LIMS1: variants seen among roughly 807,000 people sequenced by gnomAD.
LIMS1 encodes the protein LIM zinc finger domain containing 1.
In LIMS1, 18 loss-of-function variants were observed where a neutral mutation model predicts 44.1. The ratio of observed to expected loss-of-function variants is 0.41; its 90% CI spans 0.28 to 0.61. LIMS1 has a LOEUF of 0.61. Ranked by LOEUF, LIMS1 falls within the 20% of genes least tolerant of loss-of-function variation. LIMS1 has a pLI of 0.32. For synonymous variants in LIMS1, 93 were observed against 149.1 expected, an observed-to-expected ratio of 0.62 and a Z score of 2.74; for missense variants, 201 against 422.0, an observed-to-expected ratio of 0.48 and a Z score of 4.59.
At chr2:108,552,532 A>G (rs1232410875) in intron 1 of LIMS1, among the ~76,000 whole-genome samples, 1 of 146,838 alleles carries the variant, frequency 6.8e-6, no homozygotes, top group Non-Finnish European at 1.5e-5. Flanking sequence ...TATCTTATAT[A>G]TTTATATATA....
At chr2:108,615,681 G>A (rs1043638701) in intron 1 of LIMS1, among the ~76,000 whole-genome samples, 3 of 152,186 alleles carry the variant, frequency 2.0e-5, no homozygotes, top group African/African-American at 7.2e-5. Context: ...CTGCCCATGT[G>A]TACCTGCTTT....
chr2:108,607,835 A>G (rs773987630), intron 1 of LIMS1, among the ~76,000 whole-genome samples: 7 of 152,174 alleles, frequency 4.6e-5, no homozygotes, highest in Non-Finnish European at 1.0e-4. Flanking sequence ...CACTGTGGGT[A>G]ACATTCATGT....
intron 1 of LIMS1, among the ~76,000 whole-genome samples, chr2:108,625,481 C>T (rs914365826): frequency 4.6e-5 from 7 of 152,210 alleles, no homozygotes; most frequent in Non-Finnish European, 2.9e-5. Flanking sequence ...GTTCCTTCGG[C>T]CATGCTTCTG....
Position 108,675,994 on chromosome 2 carries a change from TG to T in LIMS1, c.649del (p.Val217Ter). ...TGCCGACGGCCCATCGAAGGGCGCGTGGTGAACGCTATGGGCAAGCAGTGGC... is the reference window on the plus strand; with the variant it reads ...TGCCGACGGCCCATCGAAGGGCGCGTGTGAACGCTATGGGCAAGCAGTGGC... On this transcript the variant is annotated frameshift_variant, in exon 6 of 10. Transcript: ENST00000544547. LOFTEE classifies it high-confidence loss of function. The T allele has an allele frequency of 6.2e-7, 1 of 1,613,962 alleles. No homozygotes were observed. Among genetic ancestry groups the T allele is most frequent in the Non-Finnish European group, 8.5e-7 (1 of 1,179,906 alleles).
At chr2:108,649,232 C>G (rs890628133) in intron 1 of LIMS1, among the ~76,000 whole-genome samples, 6 of 152,218 alleles carry the variant, frequency 3.9e-5, no homozygotes, top group Non-Finnish European at 8.8e-5. Flanking sequence ...AACAGCTCAT[C>G]ATCACTGATC....
chr2:108,589,202 AT>A (rs1258452840), intron 1 of LIMS1, among the ~76,000 whole-genome samples: 1 of 151,850 alleles, frequency 6.6e-6, no homozygotes, highest in African/African-American at 2.4e-5. Context: ...AAAACTGGTC[AT>A]TTTTTTAAGT....
intron 1 of LIMS1, among the ~76,000 whole-genome samples, chr2:108,643,394 G>A (rs1333284788): frequency 6.6e-6 from 1 of 152,136 alleles, no homozygotes; most frequent in Non-Finnish European, 1.5e-5. Context: ...AAGCGCAAGG[G>A]GTTGGGGAAC....
intron 1 of LIMS1, among the ~76,000 whole-genome samples, chr2:108,551,487 G>GCA (rs1434077686): frequency 1.1e-4 from 11 of 99,102 alleles, no homozygotes; most frequent in African/African-American, 2.0e-4. Flanking sequence ...ATATGCGCGC[G>GCA]CGCGCACACA....
chr2:108,576,057 G>A (rs1685661113), intron 1 of LIMS1, among the ~76,000 whole-genome samples: 2 of 152,220 alleles, frequency 1.3e-5, no homozygotes, highest in South Asian at 4.1e-4. Context: ...AGTAGTGACA[G>A]AGACTTAGCA....
chr2:108,574,245 G>A (rs773961126), intron 1 of LIMS1, among the ~76,000 whole-genome samples: 7 of 152,172 alleles, frequency 4.6e-5, no homozygotes, highest in Admixed American at 2.0e-4. Context: ...AGCTAGACAA[G>A]ATCAGGGAAG....
At chr2:108,614,651 C>T (rs1022375829) in intron 1 of LIMS1, among the ~76,000 whole-genome samples, 8 of 152,166 alleles carry the variant, frequency 5.3e-5, no homozygotes, top group African/African-American at 1.9e-4. Context: ...ACTTTTATAT[C>T]GGAGTTAGGA....
intron 1 of LIMS1, among the ~76,000 whole-genome samples, chr2:108,631,873 C>T (rs1016387679): frequency 1.3e-4 from 20 of 152,220 alleles, no homozygotes; most frequent in African/African-American, 4.6e-4. Context: ...CACCCAATAC[C>T]AACAAAATAG....
In LIMS1 at chr2:108,558,241, G is replaced by A. The variant is rs146559829; in HGVS notation, c.32+23647G>A. 5.1e-3 allele frequency among the ~76,000 whole-genome samples: 757 copies of A among 149,804 alleles called. 7 individuals are homozygous for A. Among genetic ancestry groups the A allele is most frequent in the African/African-American group, 0.018 (715 of 40,572 alleles). On this transcript the variant is annotated intron_variant, in intron 1 of 9. Coordinates refer to ENST00000544547, the Ensembl canonical transcript of LIMS1. Reference sequence around the variant, plus strand: ...TTTTTTCTTTTTTTTTTTTTGAGACGGAGTCTTGTTCTGTCGCCCAGGCTG... The same window carrying A: ...TTTTTTCTTTTTTTTTTTTTGAGACAGAGTCTTGTTCTGTCGCCCAGGCTG...
In LIMS1 at chr2:108,662,550, T is replaced by C. The variant is rs181410504; in HGVS notation, c.192+2786T>C. ...GAGGAAGATTACTATTTTGGCTAAA[T>C]TGTTTATCATTAAAACCAGCCCAGG... On this transcript the variant is annotated intron_variant, in intron 2 of 9. Coordinates refer to ENST00000544547, the Ensembl canonical transcript of LIMS1. The C allele has an allele frequency of 2.2e-4, 274 of 1,239,800 alleles. No individual in the cohort carries two copies. The African/African-American group carries it at 3.9e-3, about 18-fold the overall frequency. 76.8% of individuals were successfully genotyped at this position (1,239,800 alleles called of 1,614,324 possible).
intron 1 of LIMS1, among the ~76,000 whole-genome samples, chr2:108,658,906 T>C (rs1335919614): frequency 6.6e-6 from 1 of 152,310 alleles, no homozygotes; most frequent in African/African-American, 2.4e-5. Flanking sequence ...GTCCTGCGCC[T>C]TCCTTTAACT....
intron 6 of LIMS1, 146 bp from the exon 7 acceptor site, chr2:108,676,460 T>C (rs1692572206): frequency 3.8e-6 from 4 of 1,052,092 alleles, no homozygotes; most frequent in Non-Finnish European, 5.5e-6. Context: ...TGCAGAAGTA[T>C]TATATTATGG....
chr2:108,615,050 G>A (rs1687856078), intron 1 of LIMS1, among the ~76,000 whole-genome samples: 1 of 152,134 alleles, frequency 6.6e-6, no homozygotes. Context: ...GAAATATGCT[G>A]AGCAGATATA....
rs1684088165 is a variant in LIMS1 at position 108,535,182 on chromosome 2, C to T, written c.32+588C>T. ...CTTAGTAGAGACAACTACGTTCTCC[C>T]ATCTCCTTTGCAGTTCAGTCTGTTG... is the stretch of plus-strand genomic sequence containing the variant. On this transcript the variant is annotated intron_variant, in intron 1 of 9. Transcript: ENST00000544547. Among the ~76,000 whole-genome samples the T allele has an allele frequency of 3.3e-5, 5 of 152,190 alleles. No homozygotes were observed. In the South Asian group the frequency reaches 8.3e-4, roughly 25 times the overall value.
intron 9 of LIMS1, among the ~76,000 whole-genome samples, chr2:108,683,649 A>G (rs1693153964): frequency 6.6e-6 from 1 of 151,980 alleles, no homozygotes; most frequent in Non-Finnish European, 1.5e-5. Context: ...TCTGTGTTAC[A>G]CAGATGGATG....
Sources: gnomAD v4.1 joint callset for allele counts (sites outside exome capture counted in the v4.1 genomes callset) on GRCh38, gnomAD v4.1.1 for gene constraint, MANE v1.5 for transcripts, NCBI Gene and HGNC (gene_info 2026-07-23, HGNC 2026-07-21) for gene names.